Variants in LPCAT2 observed in about 807,000 individuals in gnomAD.
LPCAT2 encodes the protein 1-AGP acyltransferase 11.
In LPCAT2, 58 loss-of-function variants were observed where a neutral mutation model predicts 64.7. The ratio of observed to expected loss-of-function variants is 0.90; its 90% CI spans 0.73 to 1.12. The LOEUF is 1.12. Ranked by LOEUF, LPCAT2 falls within the 50% of genes most tolerant of loss-of-function variation. The probability of loss-of-function intolerance (pLI) is 0.00; values close to 1 mark genes in which losing one functional copy is unlikely to be tolerated. For missense variants in LPCAT2, 579 were observed against 669.8 expected, an observed-to-expected ratio of 0.86 and a Z score of 1.50; for synonymous variants, 252 against 245.3, an observed-to-expected ratio of 1.03 and a Z score of -0.26.
At chr16:55,567,403 T>A (rs758478211) in intron 11 of LPCAT2, 1 of 1,613,838 alleles carries the variant, frequency 6.2e-7, no homozygotes, top group African/African-American at 1.3e-5. Flanking sequence ...TTGGTCCGCC[T>A]GGATGCCATG....
intron 1 of LPCAT2, among the ~76,000 whole-genome samples, chr16:55,520,005 A>C (rs1238919975): frequency 2.6e-5 from 4 of 152,216 alleles, no homozygotes; most frequent in Non-Finnish European, 1.5e-5. Context: ...AACTGATGGG[A>C]TATATAGAAA....
intron 1 of LPCAT2, among the ~76,000 whole-genome samples, chr16:55,511,411 G>A (rs1173119351): frequency 6.6e-6 from 1 of 152,094 alleles, no homozygotes; most frequent in African/African-American, 2.4e-5. Flanking sequence ...TTTAAAAGGT[G>A]GACACACTTT....
At chr16:55,534,562 AG>A (rs1963299608) in intron 7 of LPCAT2, 85 bp downstream of exon 7, 2 of 656,146 alleles carry the variant, frequency 3.0e-6, no homozygotes, top group East Asian at 6.5e-5. Flanking sequence ...TCTTTAAAAA[AG>A]TATTATTTTA....
intron 11 of LPCAT2, among the ~76,000 whole-genome samples, chr16:55,560,604 G>A (rs557729490): frequency 6.6e-6 from 1 of 152,038 alleles, no homozygotes; most frequent in African/African-American, 2.4e-5. Context: ...TGATGTTGCT[G>A]TCACAAATCT....
intron 8 of LPCAT2, among the ~76,000 whole-genome samples, chr16:55,542,389 T>G (rs1240146472): frequency 1.3e-5 from 2 of 152,038 alleles, no homozygotes; most frequent in African/African-American, 4.8e-5. Flanking sequence ...TCAGGTGCAA[T>G]AGAAGGGAAT....
At chr16:55,519,402 G>T (rs1963061195) in intron 1 of LPCAT2, among the ~76,000 whole-genome samples, 1 of 151,670 alleles carries the variant, frequency 6.6e-6, no homozygotes, top group Admixed American at 6.6e-5. Flanking sequence ...CCAGCTACTT[G>T]GGAGGCTGGG....
intron 11 of LPCAT2, among the ~76,000 whole-genome samples, chr16:55,574,069 G>C (rs1262708983): frequency 2.0e-5 from 3 of 152,178 alleles, no homozygotes; most frequent in Non-Finnish European, 2.9e-5. Context: ...CTTCTGGGGT[G>C]ATGTCCCCCA....
chr16:55,532,562 G>C (rs145630252), intron 5 of LPCAT2: 1 of 198,536 alleles, frequency 5.0e-6, no homozygotes, highest in South Asian at 1.3e-4. Context: ...ATGAAAAAAA[G>C]TGGAGAAATA....
rs1330604360 is a variant in LPCAT2, at chr16:55,586,170, T to G, written c.*3072T>G. On this transcript the variant is annotated 3_prime_UTR_variant, in exon 14 of 14. Transcript: ENST00000262134. ...ATAGAAGTGAAGCTCTTCACATATA[T>G]TCAAAATACATATCACAAACTTTGG... The G allele has an allele frequency of 6.6e-6, 1 of 152,086 alleles. No individual in the cohort carries two copies. Among genetic ancestry groups the G allele is most frequent in the Non-Finnish European group, 1.5e-5 (1 of 68,002 alleles). The allele number at this position is 152,086 out of a possible 1,614,324, so 9.4% of individuals were successfully genotyped here. A position where few individuals can be genotyped will look rare whatever the true frequency, so the allele number is the denominator to read the frequency against.
intron 10 of LPCAT2, among the ~76,000 whole-genome samples, chr16:55,550,696 A>C (rs1963506586): frequency 1.3e-5 from 2 of 152,212 alleles, no homozygotes; most frequent in South Asian, 4.1e-4. Flanking sequence ...CAGGCGGATC[A>C]CGAGGTCAAT....
At chr16:55,577,969 A>G (rs1236252866) in intron 12 of LPCAT2, among the ~76,000 whole-genome samples, 1 of 152,154 alleles carries the variant, frequency 6.6e-6, no homozygotes, top group Non-Finnish European at 1.5e-5. Flanking sequence ...CAAATCCAAC[A>G]AACGGTTTTG....
intron 13 of LPCAT2, among the ~76,000 whole-genome samples, chr16:55,579,654 C>T (rs531067565): frequency 7.9e-5 from 12 of 152,302 alleles, no homozygotes; most frequent in Non-Finnish European, 1.5e-4. Context: ...GTGATCTCTG[C>T]TTTCAGTGTG....
At chr16:55,572,055 T>C (rs1252897312) in intron 11 of LPCAT2, among the ~76,000 whole-genome samples, 1 of 152,196 alleles carries the variant, frequency 6.6e-6, no homozygotes, top group Non-Finnish European at 1.5e-5. Context: ...TCCTTCATAT[T>C]ACTAGGATGA....
intron 11 of LPCAT2, among the ~76,000 whole-genome samples, chr16:55,568,352 A>T (rs1009781442): frequency 6.6e-6 from 1 of 152,238 alleles, no homozygotes; most frequent in Non-Finnish European, 1.5e-5. Flanking sequence ...CCTGCCTTAG[A>T]GCAAGGAAAA....
At chr16:55,520,585 C>T (rs1963081093) in intron 1 of LPCAT2, among the ~76,000 whole-genome samples, 1 of 151,878 alleles carries the variant, frequency 6.6e-6, no homozygotes, top group Non-Finnish European at 1.5e-5. Flanking sequence ...ACATTTAATG[C>T]TTACCGACAT....
intron 4 of LPCAT2, among the ~76,000 whole-genome samples, chr16:55,531,318 G>A (rs543730709): frequency 6.6e-6 from 1 of 152,058 alleles, no homozygotes; most frequent in South Asian, 2.1e-4. Flanking sequence ...TACTTAATGG[G>A]GAAACTAACG....
rs1963225909 is a variant in LPCAT2 at position 55,529,822 on chromosome 16, A to C, written c.530-13A>C. 1.9e-6 allele frequency: 3 copies of C among 1,567,468 alleles called. No homozygotes were observed. The South Asian group carries it at 3.6e-5, about 19-fold the overall frequency. On this transcript the variant is annotated splice_polypyrimidine_tract_variant and intron_variant, in intron 3 of 13. Transcript: ENST00000262134. ...AAAAATGGCTTGCCTGTAACTTTTC[A>C]TTTGTTTTAAAGGACTGTTACGGGC...
chr16:55,535,722 C>T (rs966850017), intron 7 of LPCAT2, among the ~76,000 whole-genome samples: 3 of 152,188 alleles, frequency 2.0e-5, no homozygotes, highest in Non-Finnish European at 4.4e-5. Flanking sequence ...ACAATGGATG[C>T]ATAGCATACT....
At chr16:55,517,769 A>G (rs1270213651) in intron 1 of LPCAT2, among the ~76,000 whole-genome samples, 1 of 152,202 alleles carries the variant, frequency 6.6e-6, no homozygotes, top group Non-Finnish European at 1.5e-5. Context: ...ACTCACTTTC[A>G]TGATAAAAAC....
Sources: gnomAD v4.1 joint callset for allele counts (sites outside exome capture counted in the v4.1 genomes callset) on GRCh38, gnomAD v4.1.1 for gene constraint, MANE v1.5 for transcripts, NCBI Gene and HGNC (gene_info 2026-07-23, HGNC 2026-07-21) for gene names.